Variants in CASZ1 observed in about 807,000 individuals in gnomAD.
CASZ1 encodes zinc finger protein castor homolog 1.
In CASZ1, 28 loss-of-function variants were observed where a neutral mutation model predicts 135.2. The observed-to-expected ratio is 0.21, with a 90% confidence interval of 0.15 to 0.28. CASZ1 has a LOEUF of 0.28. CASZ1 is among the 10% of genes least tolerant of loss of function. The pLI, the probability that CASZ1 is intolerant of heterozygous loss-of-function variation, is 1.00. For synonymous variants in CASZ1, 1,068 were observed against 1,073.4 expected (o/e 0.99, Z 0.10); for missense variants, 2,161 against 2,453.3 (o/e 0.88, Z 2.52).
At position 10,666,686 on chromosome 1, in the gene CASZ1, A is replaced by G. The variant is rs1197346856; in HGVS notation, c.17-1115T>C. 6.6e-6 allele frequency among the ~76,000 whole-genome samples: 1 copy of G among 152,128 alleles called. No homozygotes were observed. The highest frequency in any genetic ancestry group is 6.5e-5 in the Admixed American group (1 of 15,276). ...ACCTCCCTCGCGGCCGCATAGCCCA[A>G]ACTCTGTCCCTGATAGGGCACCGAG... On this transcript the variant is annotated intron_variant, in intron 4 of 20. Coordinates refer to ENST00000377022, the MANE Select transcript of CASZ1 (RefSeq NM_001079843.3). This position sits in a 1 kb window ranked among gnomAD's most constrained non-coding sequence, Gnocchi z 5.2.
chr1:10,765,404 A>G (rs1261386095), intron 1 of CASZ1, among the ~76,000 whole-genome samples: 1 of 151,442 alleles, frequency 6.6e-6, no homozygotes, highest in Non-Finnish European at 1.5e-5. Flanking sequence ...AAAAAAAAAC[A>G]ATAAAAAAAT....
intron 1 of CASZ1, among the ~76,000 whole-genome samples, chr1:10,775,049 C>A (rs1447232019): frequency 1.3e-5 from 2 of 151,882 alleles, no homozygotes; most frequent in South Asian, 2.1e-4. Flanking sequence ...TGGAAACCGG[C>A]GACACTGGCT....
chr1:10,745,913 G>A (rs1255127590), intron 2 of CASZ1, among the ~76,000 whole-genome samples: 1 of 152,064 alleles, frequency 6.6e-6, no homozygotes, highest in Non-Finnish European at 1.5e-5. Flanking sequence ...TGGATCAAGA[G>A]GGGAAAAGGA....
chr1:10,643,868 C>T (rs891169155), intron 18 of CASZ1, among the ~76,000 whole-genome samples: 2 of 152,220 alleles, frequency 1.3e-5, no homozygotes, highest in East Asian at 1.9e-4. Context: ...CCCCAACTAT[C>T]GCCAAAAACA....
intron 2 of CASZ1, among the ~76,000 whole-genome samples, chr1:10,737,957 C>A (rs1639833025): frequency 2.0e-5 from 3 of 152,218 alleles, no homozygotes; most frequent in Admixed American, 2.0e-4. Flanking sequence ...GGTCCCAGTC[C>A]CCTTTCACTC....
intron 5 of CASZ1, chr1:10,660,748 A>G (rs1642997258): frequency 3.6e-6 from 2 of 561,934 alleles, no homozygotes; most frequent in Non-Finnish European, 6.2e-6. Context: ...GGGGTAAAAT[A>G]AAACGAGTTC....
intron 1 of CASZ1, among the ~76,000 whole-genome samples, chr1:10,784,765 C>A (rs1640825467): frequency 6.6e-6 from 1 of 152,146 alleles, no homozygotes; most frequent in South Asian, 2.1e-4. Flanking sequence ...GGGGTTTCAC[C>A]ATGTTGGCCA....
chr1:10,741,050 TG>T lies in CASZ1; in HGVS notation c.-77+19650del, dbSNP rs1639911573. ...CTCTGTTGCCTAGGCTGGAGAGCAA[TG>T]GCACAATCTCAGCTCATTGCAACCT... On this transcript the variant is annotated intron_variant, in intron 2 of 20. Transcript: ENST00000377022. This position sits in a 1 kb window ranked among gnomAD's most constrained non-coding sequence, Gnocchi z 5.0. Among the ~76,000 whole-genome samples the T allele has an allele frequency of 6.8e-6, 1 of 148,118 alleles. No individual in the cohort carries two copies.
Position 10,679,677 on chromosome 1 carries a change from C to T in CASZ1, c.17-14106G>A, listed in dbSNP as rs1282246575. 6.6e-6 allele frequency among the ~76,000 whole-genome samples: 1 copy of T among 152,202 alleles called. No individual in the cohort carries two copies. The highest frequency in any genetic ancestry group is 1.5e-5 in the Non-Finnish European group (1 of 68,022). On this transcript the variant is annotated intron_variant, in intron 4 of 20. Transcript: ENST00000377022. This position sits in a 1 kb window ranked among gnomAD's most constrained non-coding sequence, Gnocchi z 4.7. The stretch of plus-strand genomic sequence containing the variant: ...GTGCCTGCACGGGCACCCTTCTCCT[C>T]CCCTCCACCTGCCTCATCTTCACAG...
intron 1 of CASZ1, among the ~76,000 whole-genome samples, chr1:10,769,792 C>T (rs1177949822): frequency 6.6e-6 from 1 of 152,322 alleles, no homozygotes; most frequent in East Asian, 1.9e-4. Context: ...GCTGGGATTA[C>T]AGGAGTGAGC....
rs1204466797 is a variant in CASZ1, at chr1:10,653,807, G to T, written c.2250C>A (p.Ser750=). ...CGGTGGCGGCAGTGGCGGCAGCCAG[G>T]GACGCAGAGGACTGCTGGCTGGTAG... is the stretch of plus-strand genomic sequence containing the variant. ...ASPTSQQSSA[S]LAAATAATEA... Residue 750 remains serine, a synonymous_variant, in exon 11 of 21, where the codon TCC becomes TCA. Transcript: ENST00000377022. The T allele has an allele frequency of 4.4e-6, 7 of 1,609,012 alleles. No homozygotes were observed. The highest frequency in any genetic ancestry group is 5.9e-6 in the Non-Finnish European group (7 of 1,177,154).
intron 2 of CASZ1, among the ~76,000 whole-genome samples, chr1:10,712,215 G>T (rs1639300223): frequency 6.6e-6 from 1 of 151,912 alleles, no homozygotes; most frequent in Admixed American, 6.6e-5. Flanking sequence ...GCATGGTGGT[G>T]GGCGCCTGTA....
intron 2 of CASZ1, among the ~76,000 whole-genome samples, chr1:10,729,270 G>T (rs541387571): frequency 3.9e-5 from 6 of 152,300 alleles, no homozygotes; most frequent in Admixed American, 3.9e-4. Flanking sequence ...CAAGACGGCT[G>T]CAGGGGGGCT....
intron 4 of CASZ1, among the ~76,000 whole-genome samples, chr1:10,685,133 T>A (rs1043407469): frequency 2.0e-5 from 3 of 152,262 alleles, no homozygotes; most frequent in Non-Finnish European, 4.4e-5. Context: ...AGTTTTCATC[T>A]TATTTTAAGT....
rs560804978 is a variant in CASZ1 at position 10,679,884 on chromosome 1, C to A, written c.16+13990G>T. On this transcript the variant is annotated intron_variant, in intron 4 of 20. Transcript: ENST00000377022. This position sits in a 1 kb window ranked among gnomAD's most constrained non-coding sequence, Gnocchi z 4.7. ...AGCAGGCCAAGTCCCAGCCCTGGGA[C>A]TCCCCTCCCCTACCCTTCCAGCATC... 1.1e-4 allele frequency among the ~76,000 whole-genome samples: 17 copies of A among 152,334 alleles called. No homozygotes were observed. The East Asian group carries it at 2.7e-3, about 24-fold the overall frequency.
At position 10,656,740 on chromosome 1, in the gene CASZ1, G is replaced by A; in HGVS notation, c.1410-4C>T. On this transcript the variant is annotated splice_polypyrimidine_tract_variant and splice_region_variant and intron_variant, in intron 7 of 20. Coordinates refer to ENST00000377022, the MANE Select transcript of CASZ1 (RefSeq NM_001079843.3). ...ACAGTGCTGGCTGCCCGAGAACCTG[G>A]AGGGAGGAGGGGTGGGGTCAGGGCC... 1 of 1,580,660 alleles carries A rather than the reference G, an allele frequency of 6.3e-7. No individual in the cohort carries two copies. The highest frequency in any genetic ancestry group is 1.3e-5 in the African/African-American group (1 of 74,670).
At chr1:10,649,253 G>C (rs748614846) in intron 14 of CASZ1, 30 bp downstream of exon 14, 2 of 1,605,630 alleles carry the variant, frequency 1.2e-6, no homozygotes, top group African/African-American at 2.7e-5. Flanking sequence ...GCGGGGGGAC[G>C]ATGGGTGGAC....
At chr1:10,708,862 C>T (rs571597240) in intron 2 of CASZ1, among the ~76,000 whole-genome samples, 74 of 147,530 alleles carry the variant, frequency 5.0e-4, no homozygotes, top group Admixed American at 2.0e-3. Flanking sequence ...GCAGGCGGCT[C>T]GGAGTGGGGC....
intron 5 of CASZ1, among the ~76,000 whole-genome samples, chr1:10,662,030 TCTCA>T (rs1643050758): frequency 1.3e-5 from 2 of 149,678 alleles, no homozygotes; most frequent in Admixed American, 6.6e-5. Context: ...TCTCATACAC[TCTCA>T]CACACCCACA....
Sources: allele counts gnomAD v4.1 joint callset (sites outside exome capture counted in the v4.1 genomes callset), GRCh38; gene constraint gnomAD v4.1.1; non-coding constraint Gnocchi (gnomAD v3.1); transcripts MANE v1.5; gene names NCBI Gene and HGNC (gene_info 2026-07-23, HGNC 2026-07-21).